The following DDI2 variants were observed in gnomAD, a reference collection of about 807,000 sequenced individuals.
DDI2 encodes the protein DDI proteasomal shuttling factor 2.
In DDI2, 5 loss-of-function variants were observed where a neutral mutation model predicts 48.1. The observed-to-expected ratio is 0.10, with a 90% CI of 0.05 to 0.22. DDI2 has a LOEUF of 0.22. DDI2 is among the 10% of genes least tolerant of loss of function. The pLI, the probability that DDI2 is intolerant of heterozygous loss-of-function variation, is 1.00. For missense variants in DDI2, 285 were observed against 506.2 expected (o/e 0.56, Z 4.19); for synonymous variants, 205 against 183.6 (o/e 1.12, Z -0.94).
intron 7 of DDI2, among the ~76,000 whole-genome samples, chr1:15,650,846 CTATTTATT>C (rs370118711): frequency 4.0e-5 from 6 of 151,842 alleles, no homozygotes; most frequent in African/African-American, 1.2e-4. Flanking sequence ...ACACAGCATT[CTATTTATT>C]TATTTATTTA....
intron 1 of DDI2, among the ~76,000 whole-genome samples, chr1:15,622,862 C>T (rs1036655592): frequency 2.0e-5 from 3 of 152,166 alleles, no homozygotes; most frequent in African/African-American, 7.2e-5. Flanking sequence ...TAGTTGATCT[C>T]ATTTATGTCC....
chr1:15,622,682 T>C (rs889601878), intron 1 of DDI2, among the ~76,000 whole-genome samples: 1 of 152,172 alleles, frequency 6.6e-6, no homozygotes, highest in Non-Finnish European at 1.5e-5. Flanking sequence ...TTTGTTTTTA[T>C]TGGTAGAGAT....
Position 15,660,870 on chromosome 1 carries a change from C to T in DDI2, c.*1080C>T. On this transcript the variant is annotated 3_prime_UTR_variant, in exon 10 of 10. Coordinates refer to ENST00000480945, the MANE Select transcript of DDI2 (RefSeq NM_032341.5). ...ATGGCCATTACTCCTCTCCAAGTCT[C>T]TGTGGCAGTTGTCAGCCTTCTGTGG... 1 of 1,614,164 alleles carries T rather than the reference C, an allele frequency of 6.2e-7. No individual in the cohort carries two copies. Among genetic ancestry groups the T allele is most frequent in the Non-Finnish European group, 8.5e-7 (1 of 1,180,038 alleles).
Position 15,666,549 on chromosome 1 carries a change from G to C in DDI2, c.*6759G>C, listed in dbSNP as rs1256402991. 1 of 152,182 alleles carries C rather than the reference G, an allele frequency of 6.6e-6. No homozygotes were observed. Among genetic ancestry groups the C allele is most frequent in the Non-Finnish European group, 1.5e-5 (1 of 68,022 alleles). 9.4% of individuals were successfully genotyped at this position (152,182 alleles called of 1,614,324 possible). A position where few individuals can be genotyped will look rare whatever the true frequency, so the allele number is the denominator to read the frequency against. On this transcript the variant is annotated 3_prime_UTR_variant, in exon 10 of 10. Transcript: ENST00000480945. The stretch of plus-strand genomic sequence containing the variant: ...CTGGTTAAGGGAGAGAAAAGTTCAA[G>C]AAGATCTTACATATTTGAAAGGAAA...
chr1:15,643,003 C>T (rs1044096353), intron 5 of DDI2, among the ~76,000 whole-genome samples: 2 of 152,018 alleles, frequency 1.3e-5, no homozygotes, highest in South Asian at 2.1e-4. Flanking sequence ...GGAGGTGGAG[C>T]TTGTAGTGAG....
Position 15,660,993 on chromosome 1 carries a change from TGAA to T in DDI2, c.*1208_*1210del. The T allele has an allele frequency of 6.2e-7, 1 of 1,613,982 alleles. No individual in the cohort carries two copies. The highest frequency in any genetic ancestry group is 2.2e-5 in the East Asian group (1 of 44,866). ...GTAAACCAGCTTCAGAAAATACATC[TGAA>T]GAAGTAATCTGTCAATCAGAAACCA... On this transcript the variant is annotated 3_prime_UTR_variant, in exon 10 of 10. Transcript: ENST00000480945.
At chr1:15,623,569 A>C (rs148069235) in intron 1 of DDI2, among the ~76,000 whole-genome samples, 23,729 of 120,728 alleles carry the variant, frequency 0.2, 2,011 homozygotes, top group African/African-American at 0.27. Context: ...TATTATTATT[A>C]TTATTATTAT....
intron 1 of DDI2, among the ~76,000 whole-genome samples, chr1:15,618,133 T>G (rs953836632): frequency 1.9e-4 from 29 of 152,154 alleles, no homozygotes; most frequent in African/African-American, 5.5e-4. Context: ...CTGTTTCTAA[T>G]CCCGAGTGTA....
chr1:15,647,791 A>G (rs1003493869), intron 6 of DDI2, among the ~76,000 whole-genome samples: 1 of 152,006 alleles, frequency 6.6e-6, no homozygotes, highest in African/African-American at 2.4e-5. Flanking sequence ...GCGAAACCAC[A>G]TCTCTACTAA....
chr1:15,619,234 C>T (rs1205992837), intron 1 of DDI2, among the ~76,000 whole-genome samples: 3 of 151,976 alleles, frequency 2.0e-5, no homozygotes, highest in East Asian at 3.9e-4. Context: ...GATTCTCCTG[C>T]CTCAGCCTCC....
chr1:15,652,375 T>C (rs1431242503), intron 8 of DDI2, among the ~76,000 whole-genome samples: 2 of 137,144 alleles, frequency 1.5e-5, no homozygotes, highest in Non-Finnish European at 3.1e-5. Flanking sequence ...CTTAATACAA[T>C]AATGAAAAAG....
intron 1 of DDI2, among the ~76,000 whole-genome samples, chr1:15,624,697 A>G (rs1290420259): frequency 6.6e-6 from 1 of 151,986 alleles, no homozygotes; most frequent in Non-Finnish European, 1.5e-5. Flanking sequence ...CTCAAACTCC[A>G]GGGCTTAACC....
At chr1:15,630,789 T>C (rs889399050) in intron 3 of DDI2, among the ~76,000 whole-genome samples, 1 of 152,174 alleles carries the variant, frequency 6.6e-6, no homozygotes, top group Admixed American at 6.6e-5. Context: ...TGGTTTACTT[T>C]TTGTTTTCCT....
At position 15,665,925 on chromosome 1, in the gene DDI2, C is replaced by G. The variant is rs577354359; in HGVS notation, c.*6135C>G. On this transcript the variant is annotated 3_prime_UTR_variant, in exon 10 of 10. Coordinates refer to ENST00000480945, the MANE Select transcript of DDI2 (RefSeq NM_032341.5). Reference sequence around the variant, plus strand: ...GATTATGCATTCTACTGTTCTCTAGCACAAGTACTCACCAAAAAGCCAAAT... The same window carrying G: ...GATTATGCATTCTACTGTTCTCTAGGACAAGTACTCACCAAAAAGCCAAAT... 6.8e-4 allele frequency: 104 copies of G among 152,120 alleles called. No homozygotes were observed. Among genetic ancestry groups the G allele is most frequent in the African/African-American group, 2.3e-3 (97 of 41,494 alleles). 9.4% of individuals were successfully genotyped at this position (152,120 alleles called of 1,614,324 possible).
At chr1:15,651,102 C>G (rs1423129940) in intron 7 of DDI2, among the ~76,000 whole-genome samples, 2 of 152,164 alleles carry the variant, frequency 1.3e-5, no homozygotes, top group Non-Finnish European at 2.9e-5. Flanking sequence ...ATCCGCCCGC[C>G]TCAGCCTCCC....
chr1:15,644,584 TTTG>T lies in DDI2; in HGVS notation c.889+937_889+939del, dbSNP rs1396502274. Among the ~76,000 whole-genome samples, 865 of 120,508 alleles carry T rather than the reference TTTG, an allele frequency of 7.2e-3. 74 individuals are homozygous for T. Among genetic ancestry groups the T allele is most frequent in the African/African-American group, 0.024 (692 of 28,594 alleles). 79.1% of individuals were successfully genotyped at this position (120,508 alleles called of 152,430 possible). A position where few individuals can be genotyped will look rare whatever the true frequency, so the allele number is the denominator to read the frequency against. On this transcript the variant is annotated intron_variant, in intron 6 of 9. Transcript: ENST00000480945. ...AGTTTTCTTTTTCTTTTCAGTTTTT[TTTG>T]TTTTTTTTTTTTTTTTTTTTTTTTG...
chr1:15,621,901 C>G (rs1042568432), intron 1 of DDI2, among the ~76,000 whole-genome samples: 1 of 152,068 alleles, frequency 6.6e-6, no homozygotes, highest in Non-Finnish European at 1.5e-5. Context: ...AGCATAAAGT[C>G]TTTGAAAGGT....
At chr1:15,644,323 T>C (rs1034881825) in intron 6 of DDI2, among the ~76,000 whole-genome samples, 1 of 152,224 alleles carries the variant, frequency 6.6e-6, no homozygotes, top group African/African-American at 2.4e-5. Context: ...TTCCTCTTTT[T>C]TATCTGCCCC....
At chr1:15,638,735 G>T (rs895815344) in intron 5 of DDI2, among the ~76,000 whole-genome samples, 4 of 151,784 alleles carry the variant, frequency 2.6e-5, no homozygotes, top group Non-Finnish European at 5.9e-5. Flanking sequence ...GGGTTTCACC[G>T]TGTTGGTCAG....
Sources: gnomAD v4.1 joint callset for allele counts (sites outside exome capture counted in the v4.1 genomes callset) on GRCh38, gnomAD v4.1.1 for gene constraint, MANE v1.5 for transcripts, NCBI Gene and HGNC (gene_info 2026-07-23, HGNC 2026-07-21) for gene names.